COBL: variants seen among roughly 807,000 people sequenced by gnomAD.
COBL encodes the protein protein cordon-bleu.
COBL carries 51 observed loss-of-function variants against 98.8 expected under a neutral mutation model. The ratio of observed to expected loss-of-function variants is 0.52; its 90% CI spans 0.41 to 0.65. The LOEUF (loss-of-function observed/expected upper bound fraction) is 0.65, where lower values mean the gene tolerates loss of function less well. Among genes scored for constraint, COBL ranks in the 30% least tolerant of loss-of-function variants. The pLI is 0.00. For synonymous variants in COBL, 634 were observed against 651.7 expected (o/e 0.97, Z 0.41); for missense variants, 1,617 against 1,617.5 (o/e 1.00, Z 0.01).
At chr7:51,059,425 T>C (rs1327879988) in intron 7 of COBL, among the ~76,000 whole-genome samples, 1 of 152,214 alleles carries the variant, frequency 6.6e-6, no homozygotes, top group Non-Finnish European at 1.5e-5. Context: ...ACTTACTGTA[T>C]AATCATTCAT....
chr7:51,215,206 G>A lies in COBL; in HGVS notation c.245+4535C>T, dbSNP rs185634581. Among the ~76,000 whole-genome samples the A allele has an allele frequency of 3.9e-5, 6 of 152,308 alleles. No individual in the cohort carries two copies. The East Asian group carries it at 9.6e-4, about 24-fold the overall frequency. On this transcript the variant is annotated intron_variant, in intron 2 of 12. Coordinates refer to ENST00000265136, the MANE Select transcript of COBL (RefSeq NM_015198.5). ...AACACCAACAGCACCTTCTGTGAACGTTTAGGAAGAATGTGTCCACCTTTT... is the reference window on the plus strand; with the variant it reads ...AACACCAACAGCACCTTCTGTGAACATTTAGGAAGAATGTGTCCACCTTTT...
At position 51,156,376 on chromosome 7, in the gene COBL, G is replaced by A. The variant is rs1026155761; in HGVS notation, c.784-20045C>T. The A allele has an allele frequency of 1.0e-5, 10 of 985,040 alleles. No individual in the cohort carries two copies. The Admixed American group carries it at 1.8e-4, about 18-fold the overall frequency. The allele number at this position is 985,040 out of a possible 1,614,324, so 61.0% of individuals were successfully genotyped here. A position where few individuals can be genotyped will look rare whatever the true frequency, so the allele number is the denominator to read the frequency against. The stretch of plus-strand genomic sequence containing the variant: ...TTTGAAGCTCAGAGCCAATACTTCC[G>A]AAATGTCCCTTTCTGAAAGCTCACC... On this transcript the variant is annotated intron_variant, in intron 5 of 12. Coordinates refer to ENST00000265136, the MANE Select transcript of COBL (RefSeq NM_015198.5).
At chr7:51,313,975 G>A (rs935401762) in intron 1 of COBL, among the ~76,000 whole-genome samples, 4 of 152,134 alleles carry the variant, frequency 2.6e-5, no homozygotes, top group African/African-American at 9.7e-5. Flanking sequence ...ACTTTCCCCA[G>A]GAGTCAAGGA....
chr7:51,131,727 G>A (rs1798761025), intron 6 of COBL, among the ~76,000 whole-genome samples: 1 of 152,094 alleles, frequency 6.6e-6, no homozygotes, highest in Non-Finnish European at 1.5e-5. Context: ...CCAAGCAGCT[G>A]GGATTACAGG....
chr7:51,210,819 C>T (rs1470214395), intron 2 of COBL, among the ~76,000 whole-genome samples: 1 of 152,222 alleles, frequency 6.6e-6, no homozygotes, highest in South Asian at 2.1e-4. Context: ...TGCACCACGC[C>T]CTTTAAGTTG....
intron 5 of COBL, among the ~76,000 whole-genome samples, chr7:51,155,469 A>G (rs1285960507): frequency 2.0e-5 from 3 of 151,846 alleles, no homozygotes; most frequent in African/African-American, 7.3e-5. Context: ...ACACACCTGT[A>G]ATCCCAGCTA....
intron 8 of COBL, among the ~76,000 whole-genome samples, chr7:51,039,606 G>A (rs1400035159): frequency 6.6e-6 from 1 of 152,236 alleles, no homozygotes; most frequent in Non-Finnish European, 1.5e-5. Flanking sequence ...CCTTATGTGT[G>A]AATCGATATT....
intron 1 of COBL, among the ~76,000 whole-genome samples, chr7:51,280,221 T>G (rs1175042566): frequency 6.6e-6 from 1 of 152,180 alleles, no homozygotes; most frequent in East Asian, 1.9e-4. Flanking sequence ...ACCTGGGCAG[T>G]GGGCAATGGC....
chr7:51,061,628 C>T (rs1046984899), intron 7 of COBL, among the ~76,000 whole-genome samples: 3 of 152,048 alleles, frequency 2.0e-5, no homozygotes, highest in Non-Finnish European at 4.4e-5. Context: ...AGGCTGTTTA[C>T]CAGAGTGATC....
chr7:51,164,282 A>G (rs550266877), intron 5 of COBL, among the ~76,000 whole-genome samples: 1 of 152,312 alleles, frequency 6.6e-6, no homozygotes, highest in South Asian at 2.1e-4. Flanking sequence ...GTAATAGAAT[A>G]CCAAGTAGAT....
intron 6 of COBL, among the ~76,000 whole-genome samples, chr7:51,101,871 G>C (rs895969589): frequency 6.6e-6 from 1 of 152,110 alleles, no homozygotes; most frequent in Non-Finnish European, 1.5e-5. Flanking sequence ...GACTGAATGT[G>C]TGTGTTCCCC....
intron 1 of COBL, among the ~76,000 whole-genome samples, chr7:51,288,350 C>T (rs1800564053): frequency 6.7e-6 from 1 of 149,104 alleles, no homozygotes. Context: ...AAGAGAATTG[C>T]TTGAACCCGG....
intron 5 of COBL, among the ~76,000 whole-genome samples, chr7:51,141,058 A>G (rs1009387556): frequency 9.9e-5 from 15 of 152,074 alleles, no homozygotes; most frequent in African/African-American, 3.4e-4. Flanking sequence ...CCCTTACTGT[A>G]CTGCACAATA....
intron 1 of COBL, among the ~76,000 whole-genome samples, chr7:51,248,226 G>A (rs886835790): frequency 1.3e-5 from 2 of 152,194 alleles, no homozygotes; most frequent in Admixed American, 6.5e-5. Context: ...CTGTGCATCC[G>A]TGGTTATGAA....
intron 6 of COBL, among the ~76,000 whole-genome samples, chr7:51,086,981 C>T (rs1382480486): frequency 7.1e-6 from 1 of 141,760 alleles, no homozygotes; most frequent in Non-Finnish European, 1.6e-5. Context: ...GTAAGCATTT[C>T]ACATTTTTTT....
chr7:51,296,480 T>A (rs529923664), intron 1 of COBL, among the ~76,000 whole-genome samples: 2 of 152,240 alleles, frequency 1.3e-5, no homozygotes, highest in Non-Finnish European at 2.9e-5. Flanking sequence ...CTTTTGTTTT[T>A]GGTTTTGCTT....
At chr7:51,219,321 A>G (rs1361298737) in intron 2 of COBL, among the ~76,000 whole-genome samples, 2 of 152,138 alleles carry the variant, frequency 1.3e-5, no homozygotes, top group East Asian at 3.9e-4. Flanking sequence ...ACCTCCACAT[A>G]TTGCTGCAAG....
chr7:51,051,994 A>T (rs1428191462), intron 7 of COBL, among the ~76,000 whole-genome samples: 1 of 152,224 alleles, frequency 6.6e-6, no homozygotes, highest in Non-Finnish European at 1.5e-5. Flanking sequence ...AGTCTAAAGT[A>T]TTACACTATT....
intron 10 of COBL, among the ~76,000 whole-genome samples, chr7:51,027,191 C>T (rs951176529): frequency 3.9e-5 from 6 of 152,200 alleles, no homozygotes; most frequent in Admixed American, 1.3e-4. Context: ...AGAAATATCT[C>T]ATTATTAGCA....
Sources: gnomAD v4.1 joint callset for allele counts (sites outside exome capture counted in the v4.1 genomes callset) on GRCh38, gnomAD v4.1.1 for gene constraint, MANE v1.5 for transcripts, NCBI Gene and HGNC (gene_info 2026-07-23, HGNC 2026-07-21) for gene names.